The following VRK2 variants were observed in gnomAD, a reference collection of about 807,000 sequenced individuals.
VRK2 encodes the protein serine/threonine-protein kinase VRK2.
Under a neutral mutation model 57.6 loss-of-function variants are expected in VRK2, and 60 were observed. That is an observed-to-expected ratio of 1.04 (90% CI 0.85 to 1.29). The LOEUF (loss-of-function observed/expected upper bound fraction) is 1.29. Among genes scored for constraint, VRK2 ranks in the 50% most tolerant of loss-of-function variants. The pLI is 0.00. For missense variants in VRK2, 705 were observed against 588.1 expected, an observed-to-expected ratio of 1.20 and a Z score of -2.06; for synonymous variants, 231 against 199.2, an observed-to-expected ratio of 1.16 and a Z score of -1.35.
intron 10 of VRK2, among the ~76,000 whole-genome samples, chr2:58,135,892 T>C (rs1280495556): frequency 6.6e-6 from 1 of 152,210 alleles, no homozygotes. Context: ...GACTGTCTTA[T>C]ACGAAAAAGC....
chr2:58,136,794 C>T (rs542744696), intron 10 of VRK2, among the ~76,000 whole-genome samples: 9 of 143,298 alleles, frequency 6.3e-5, no homozygotes, highest in African/African-American at 2.3e-4. Context: ...GTATATATAT[C>T]ATATATATGT....
At chr2:58,102,855 AT>A (rs1340988785) in intron 7 of VRK2, among the ~76,000 whole-genome samples, 2 of 151,712 alleles carry the variant, frequency 1.3e-5, no homozygotes, top group African/African-American at 4.8e-5. Context: ...GCCTCAATAC[AT>A]TTTAAAAAAT....
At chr2:58,028,492 G>T (rs548821221) in intron 2 of VRK2, 51 of 152,150 alleles carry the variant, frequency 3.4e-4, no homozygotes, top group Middle Eastern at 3.4e-3. Flanking sequence ...TGGGATGGCT[G>T]GGTCAAATGG....
At chr2:57,921,186 C>T (rs1216538296) in intron 1 of VRK2, among the ~76,000 whole-genome samples, 1 of 151,972 alleles carries the variant, frequency 6.6e-6, no homozygotes, top group Non-Finnish European at 1.5e-5. Context: ...TTAGGGATGC[C>T]ACTTGCGAGG....
chr2:57,974,708 A>C (rs1249250407), intron 1 of VRK2, among the ~76,000 whole-genome samples: 1 of 151,920 alleles, frequency 6.6e-6, no homozygotes, highest in East Asian at 1.9e-4. Context: ...TTAAAGATTA[A>C]GGAAACAGCC....
At chr2:58,063,293 T>C (rs935513670) in intron 2 of VRK2, among the ~76,000 whole-genome samples, 1 of 151,696 alleles carries the variant, frequency 6.6e-6, no homozygotes, top group Non-Finnish European at 1.5e-5. Context: ...CTCACCTATT[T>C]TGGGAGAAGA....
chr2:58,023,397 T>C (rs61548822), intron 1 of VRK2, among the ~76,000 whole-genome samples: 19,475 of 152,190 alleles, frequency 0.13, 1,582 homozygotes, highest in African/African-American at 0.22. Flanking sequence ...ACATACACAC[T>C]ACATTTTGTT....
chr2:57,938,020 C>T (rs1356051729), intron 1 of VRK2, among the ~76,000 whole-genome samples: 1 of 151,840 alleles, frequency 6.6e-6, no homozygotes, highest in Non-Finnish European at 1.5e-5. Flanking sequence ...TTGGTAGAGA[C>T]AGGTTTTCAC....
intron 2 of VRK2, chr2:58,028,546 C>G (rs1367906995): frequency 6.6e-6 from 1 of 152,020 alleles, no homozygotes; most frequent in African/African-American, 2.4e-5. Flanking sequence ...CACTGTAATA[C>G]TATGCAGCCA....
intron 1 of VRK2, among the ~76,000 whole-genome samples, chr2:58,016,952 GT>G (rs1457956180): frequency 6.6e-6 from 1 of 152,114 alleles, no homozygotes; most frequent in Non-Finnish European, 1.5e-5. Flanking sequence ...GTTTAGGGGA[GT>G]TGACATGAGA....
intron 1 of VRK2, among the ~76,000 whole-genome samples, chr2:57,963,473 A>T (rs1671821737): frequency 6.6e-6 from 1 of 152,248 alleles, no homozygotes; most frequent in South Asian, 2.1e-4. Flanking sequence ...TTATTATATA[A>T]TACGCAAAGG....
intron 7 of VRK2, among the ~76,000 whole-genome samples, chr2:58,102,236 C>T (rs1674073719): frequency 6.6e-6 from 1 of 151,314 alleles, no homozygotes; most frequent in Non-Finnish European, 1.5e-5. Flanking sequence ...GAGGAAAAAG[C>T]CCTCACATAT....
intron 1 of VRK2, among the ~76,000 whole-genome samples, chr2:58,013,259 G>A (rs1374028633): frequency 6.6e-6 from 1 of 152,134 alleles, no homozygotes; most frequent in African/African-American, 2.4e-5. Flanking sequence ...TACATAACTT[G>A]TATGCATTTG....
chr2:57,961,991 C>A (rs1429921236), intron 1 of VRK2, among the ~76,000 whole-genome samples: 1 of 152,128 alleles, frequency 6.6e-6, no homozygotes, highest in African/African-American at 2.4e-5. Flanking sequence ...GTGGGAGGAT[C>A]GTTTGAGCCC....
At chr2:58,137,076 TA>T (rs1486190618) in intron 10 of VRK2, among the ~76,000 whole-genome samples, 10 of 112,686 alleles carry the variant, frequency 8.9e-5, no homozygotes, top group Non-Finnish European at 1.2e-4. Context: ...ATATCATATA[TA>T]ACATATATAT....
At chr2:58,085,993 ATC>A (rs1173043795) in intron 4 of VRK2, among the ~76,000 whole-genome samples, 1 of 147,304 alleles carries the variant, frequency 6.8e-6, no homozygotes, top group East Asian at 2.0e-4. Flanking sequence ...AGAAAAAGCC[ATC>A]TCTCTACTGA....
chr2:58,157,033 A>ATAAG (rs1683990025), intron 12 of VRK2, among the ~76,000 whole-genome samples: 1 of 152,174 alleles, frequency 6.6e-6, no homozygotes, highest in Non-Finnish European at 1.5e-5. Context: ...TGATCATTTT[A>ATAAG]TAAGTTCTGT....
At chr2:58,096,789 A>G (rs17049333) in intron 7 of VRK2, among the ~76,000 whole-genome samples, 2,182 of 151,592 alleles carry the variant, frequency 0.014, 52 homozygotes, top group African/African-American at 0.049. Flanking sequence ...TAGTTCTCCA[A>G]TTGGATGTCC....
chr2:58,054,042 T>C (rs1676150022), intron 2 of VRK2, among the ~76,000 whole-genome samples: 2 of 152,244 alleles, frequency 1.3e-5, no homozygotes, highest in South Asian at 4.1e-4. Context: ...TAAAAGTCTC[T>C]ATAAGATGTA....
Sources: allele counts gnomAD v4.1 joint callset (sites outside exome capture counted in the v4.1 genomes callset), GRCh38; gene constraint gnomAD v4.1.1; transcripts MANE v1.5; gene names NCBI Gene and HGNC (gene_info 2026-07-23, HGNC 2026-07-21).